Variants in LPIN2 observed in about 807,000 individuals in gnomAD.
The protein encoded by LPIN2 is phosphatidate phosphatase LPIN2.
In LPIN2, 55 loss-of-function variants were observed where a neutral mutation model predicts 111.4. The ratio of observed to expected loss-of-function variants is 0.49; its 90% CI spans 0.40 to 0.62. LPIN2 has a LOEUF of 0.62. Ranked by LOEUF, LPIN2 falls within the 20% of genes least tolerant of loss-of-function variation. LPIN2 has a pLI of 0.00. For missense variants in LPIN2, 992 were observed against 1,112.1 expected, an observed-to-expected ratio of 0.89 and a Z score of 1.54; for synonymous variants, 425 against 414.0, an observed-to-expected ratio of 1.03 and a Z score of -0.32.
At chr18:2,933,525 A>C (rs2077242902) in intron 8 of LPIN2, among the ~76,000 whole-genome samples, 1 of 152,254 alleles carries the variant, frequency 6.6e-6, no homozygotes, top group South Asian at 2.1e-4. Context: ...GCTAGAAAGG[A>C]GTTTTAAGAA....
At chr18:2,975,658 G>A (rs892854218) in intron 1 of LPIN2, among the ~76,000 whole-genome samples, 2 of 152,216 alleles carry the variant, frequency 1.3e-5, no homozygotes, top group East Asian at 1.9e-4. Flanking sequence ...ATACGATTAC[G>A]TTATGAACAT....
chr18:2,999,178 ACTCCTAAC>A (rs2078391014), intron 1 of LPIN2, among the ~76,000 whole-genome samples: 1 of 152,210 alleles, frequency 6.6e-6, no homozygotes, highest in Admixed American at 6.5e-5. Flanking sequence ...GAAACGCTGA[ACTCCTAAC>A]CTCTGGTAGC....
chr18:2,998,095 G>T (rs2078372855), intron 1 of LPIN2, among the ~76,000 whole-genome samples: 1 of 152,174 alleles, frequency 6.6e-6, no homozygotes, highest in Non-Finnish European at 1.5e-5. Context: ...ATTCTGCATG[G>T]TGCCCACTGG....
chr18:2,918,624 G>A lies in LPIN2; in HGVS notation c.*1669C>T, dbSNP rs372817009. 1 of 152,110 alleles carries A rather than the reference G, an allele frequency of 6.6e-6. No individual in the cohort carries two copies. The highest frequency in any genetic ancestry group is 1.9e-4 in the East Asian group (1 of 5,182). The allele number at this position is 152,110 out of a possible 1,614,324, so 9.4% of individuals were successfully genotyped here. Reference sequence around the variant, plus strand: ...GCTTTGCATGGGAGAAGGCTCATGTGGTCCCTTCTCTGGGAACATGAGCCT... The same window carrying A: ...GCTTTGCATGGGAGAAGGCTCATGTAGTCCCTTCTCTGGGAACATGAGCCT... On this transcript the variant is annotated 3_prime_UTR_variant, in exon 20 of 20. Coordinates refer to ENST00000677752, the MANE Select transcript of LPIN2 (RefSeq NM_001375808.2).
rs867742294 is a variant in LPIN2 at position 2,951,210 on chromosome 18, T to G, written c.435A>C (p.Thr145=). 1 of 1,614,096 alleles carries G rather than the reference T, an allele frequency of 6.2e-7. No individual in the cohort carries two copies. The highest frequency in any genetic ancestry group is 8.5e-7 in the Non-Finnish European group (1 of 1,180,046). ...SDISHVLETE[T]IFTPSSVKKK... The stretch of plus-strand genomic sequence containing the variant: ...TTTTCACAGAACTTGGAGTAAAAAT[T>G]GTCTCTGTTTCCAAGACGTGTGAGA... The change falls in exon 4 of 20, where the codon ACA becomes ACC. Residue 145 remains threonine, a synonymous_variant. Transcript: ENST00000677752.
intron 1 of LPIN2, among the ~76,000 whole-genome samples, chr18:2,969,540 T>C (rs1192892490): frequency 5.3e-5 from 8 of 152,204 alleles, no homozygotes. Context: ...GGGAGGTTTT[T>C]ATATCTAACT....
At chr18:2,926,301 G>A (rs934682416) in intron 13 of LPIN2, among the ~76,000 whole-genome samples, 10 of 152,300 alleles carry the variant, frequency 6.6e-5, no homozygotes, top group Admixed American at 5.2e-4. Context: ...GGAACACGGC[G>A]TATCGCGAGC....
intron 1 of LPIN2, among the ~76,000 whole-genome samples, chr18:2,979,838 T>C: frequency 6.6e-6 from 1 of 152,180 alleles, no homozygotes; most frequent in Admixed American, 6.5e-5. Context: ...AGTAATCTTG[T>C]ATGGTCCCTC....
In LPIN2 at chr18:2,937,916, G is replaced by A. The variant is rs777659252; in HGVS notation, c.944C>T (p.Ala315Val). The A allele has an allele frequency of 1.4e-5, 22 of 1,614,034 alleles. No homozygotes were observed. The highest frequency in any genetic ancestry group is 1.7e-5 in the Non-Finnish European group (20 of 1,180,016). Residue 315 changes from alanine to valine, a missense_variant, in exon 7 of 20, where the codon GCT (alanine) becomes GTT (valine). Physicochemically the swap from Ala to Val is moderately conservative, Grantham distance 64. This residue lies in a region of LPIN2 where 709 missense variants were observed against 753.2 expected (regional missense o/e 0.94). Coordinates refer to ENST00000677752, the MANE Select transcript of LPIN2 (RefSeq NM_001375808.2). ...GGTACAGACAGTGTCTTCCATGGAAGCATCCTTCTCAACTTCACTGATGAG... is the reference window on the plus strand; with the variant it reads ...GGTACAGACAGTGTCTTCCATGGAAACATCCTTCTCAACTTCACTGATGAG... ...DNLISEVEKD[A>V]SMEDTVCTIV...
At chr18:2,962,954 C>G (rs2077735702) in intron 1 of LPIN2, among the ~76,000 whole-genome samples, 1 of 152,178 alleles carries the variant, frequency 6.6e-6, no homozygotes, top group South Asian at 2.1e-4. Flanking sequence ...GCATAAAATT[C>G]ATAATTAAGT....
At chr18:2,924,362 C>T (rs1598522421) in intron 15 of LPIN2, 36 bp downstream of exon 15, 3 of 1,613,582 alleles carry the variant, frequency 1.9e-6, no homozygotes, top group Admixed American at 1.7e-5. Context: ...GAGCACGGGG[C>T]TGTTCCTTGC....
Position 2,920,118 on chromosome 18 carries a change from G to C in LPIN2, c.*175C>G. 1 of 789,264 alleles carries C rather than the reference G, an allele frequency of 1.3e-6. No homozygotes were observed. Among genetic ancestry groups the C allele is most frequent in the South Asian group, 1.6e-5 (1 of 61,040 alleles). The allele number at this position is 789,264 out of a possible 1,614,324, so 48.9% of individuals were successfully genotyped here. On this transcript the variant is annotated 3_prime_UTR_variant, in exon 20 of 20. Transcript: ENST00000677752. ...TTCTCCTTCCAGGAGCTGAGCTGCAGACCTGCCGAGCCTGAGCAGCTGGCC... is the reference window on the plus strand; with the variant it reads ...TTCTCCTTCCAGGAGCTGAGCTGCACACCTGCCGAGCCTGAGCAGCTGGCC...
chr18:2,950,718 G>A (rs2077522367), intron 4 of LPIN2: 2 of 361,446 alleles, frequency 5.5e-6, no homozygotes, highest in African/African-American at 4.2e-5. Flanking sequence ...CACTGGGTAG[G>A]GAAATCCCAG....
chr18:2,984,856 A>G (rs1320140374), intron 1 of LPIN2, among the ~76,000 whole-genome samples: 1 of 152,046 alleles, frequency 6.6e-6, no homozygotes. Flanking sequence ...GCAGAGACCA[A>G]GAAAGAACAT....
In LPIN2 at chr18:2,918,916, C is replaced by A. The variant is rs1365597994; in HGVS notation, c.*1377G>T. The stretch of plus-strand genomic sequence containing the variant: ...GCCAAGCCTGTATCTGCAGATCCCT[C>A]TCTGCTCAGGAACCACCACGTCCTG... On this transcript the variant is annotated 3_prime_UTR_variant, in exon 20 of 20. Coordinates refer to ENST00000677752, the MANE Select transcript of LPIN2 (RefSeq NM_001375808.2). The A allele has an allele frequency of 2.0e-5, 3 of 152,220 alleles. No individual in the cohort carries two copies. Among genetic ancestry groups the A allele is most frequent in the Non-Finnish European group, 4.4e-5 (3 of 68,040 alleles). 9.4% of individuals were successfully genotyped at this position (152,220 alleles called of 1,614,324 possible). A position where few individuals can be genotyped will look rare whatever the true frequency, so the allele number is the denominator to read the frequency against.
chr18:2,925,196 T>C lies in LPIN2; in HGVS notation c.1938+28A>G. ...AAACCATTACTAAAATAAGTCCTAC[T>C]GGACAACACAGATCATGCAAGACTC... On this transcript the variant is annotated intron_variant, in intron 14 of 19. Transcript: ENST00000677752. This position sits in a 1 kb window ranked among gnomAD's most constrained non-coding sequence, Gnocchi z 4.1. 1 of 1,613,956 alleles carries C rather than the reference T, an allele frequency of 6.2e-7. No homozygotes were observed. Among genetic ancestry groups the C allele is most frequent in the Non-Finnish European group, 8.5e-7 (1 of 1,179,852 alleles).
intron 15 of LPIN2, among the ~76,000 whole-genome samples, chr18:2,924,153 T>C (rs963719906): frequency 3.9e-5 from 6 of 152,202 alleles, no homozygotes; most frequent in Non-Finnish European, 8.8e-5. Context: ...CATATCAGAA[T>C]TGAAACCAAA....
In LPIN2 at chr18:2,926,820, T is replaced by C. The variant is rs1241430622; in HGVS notation, c.1711-15A>G. 2 of 1,609,042 alleles carry C rather than the reference T, an allele frequency of 1.2e-6. No individual in the cohort carries two copies. Among genetic ancestry groups the C allele is most frequent in the South Asian group, 1.1e-5 (1 of 90,886 alleles). On this transcript the variant is annotated splice_polypyrimidine_tract_variant and intron_variant, in intron 12 of 19. Transcript: ENST00000677752. ...GATTCTGGCAGCTGTAACAGCAAGATGATAATGGCAACATGCAATTTTTTC... is the reference window on the plus strand; with the variant it reads ...GATTCTGGCAGCTGTAACAGCAAGACGATAATGGCAACATGCAATTTTTTC...
chr18:2,939,879 GAGAA>G (rs1379375439), intron 5 of LPIN2, among the ~76,000 whole-genome samples: 5 of 152,284 alleles, frequency 3.3e-5, no homozygotes, highest in Admixed American at 1.3e-4. Context: ...AGAAATCAAT[GAGAA>G]AGAAGATAAT....
Sources: allele counts gnomAD v4.1 joint callset (sites outside exome capture counted in the v4.1 genomes callset), GRCh38; gene constraint gnomAD v4.1.1; regional missense constraint gnomAD v4.1.1; non-coding constraint Gnocchi (gnomAD v3.1); transcripts MANE v1.5; gene names NCBI Gene and HGNC (gene_info 2026-07-23, HGNC 2026-07-21).